Variants in MRM3 observed in about 807,000 individuals in gnomAD.
The protein encoded by MRM3 is rRNA methyltransferase 3, mitochondrial.
MRM3 carries 26 observed loss-of-function variants against 29.4 expected under a neutral mutation model. The ratio of observed to expected loss-of-function variants is 0.89; its 90% CI spans 0.65 to 1.23. MRM3 has a LOEUF of 1.23. Among genes scored for constraint, MRM3 ranks in the 50% most tolerant of loss-of-function variants. MRM3 has a pLI of 0.00. For missense variants in MRM3, 578 were observed against 540.2 expected, an observed-to-expected ratio of 1.07 and a Z score of -0.69; for synonymous variants, 225 against 219.0, an observed-to-expected ratio of 1.03 and a Z score of -0.24.
In MRM3 at chr17:788,142, T is replaced by G. The variant is rs1318085610; in HGVS notation, c.727+10T>G. On this transcript the variant is annotated intron_variant, in intron 3 of 3. Transcript: ENST00000304478. ...GTGTTACTCACCAAAGGTAAGGACATCAAAGGCCAGGCATAGTGGCTCACA... is the reference window on the plus strand; with the variant it reads ...GTGTTACTCACCAAAGGTAAGGACAGCAAAGGCCAGGCATAGTGGCTCACA... 4.3e-6 allele frequency: 7 copies of G among 1,613,660 alleles called. No homozygotes were observed. Among genetic ancestry groups the G allele is most frequent in the Non-Finnish European group, 5.1e-6 (6 of 1,179,854 alleles).
At chr17:788,177 C>T (rs760214320) in intron 3 of MRM3, 45 bp downstream of exon 3, 1 of 1,602,878 alleles carries the variant, frequency 6.2e-7, no homozygotes, top group Non-Finnish European at 8.5e-7. Flanking sequence ...ACTCGTAATC[C>T]AGCCCTTTGG....
At position 782,402 on chromosome 17, in the gene MRM3, G is replaced by C; in HGVS notation, c.24G>C (p.Ala8=). 1 of 1,613,816 alleles carries C rather than the reference G, an allele frequency of 6.2e-7. No homozygotes were observed. Among genetic ancestry groups the C allele is most frequent in the African/African-American group, 1.3e-5 (1 of 75,066 alleles). The change falls in exon 1 of 4, where the codon GCG becomes GCC. Residue 8 remains alanine, a synonymous_variant. Transcript: ENST00000304478. ...ACATGGCGGCGCTGGTGAGACCCGCGAGGTTTGTCGTGCGACCGTTGCTGC... is the reference window on the plus strand; with the variant it reads ...ACATGGCGGCGCTGGTGAGACCCGCCAGGTTTGTCGTGCGACCGTTGCTGC... MAALVRP[A]RFVVRPLLQV...
chr17:788,259 C>G, intron 3 of MRM3, 127 bp downstream of exon 3: 1 of 873,846 alleles, frequency 1.1e-6, no homozygotes, highest in South Asian at 1.7e-5. Context: ...GAGACCTCAT[C>G]TCTACAAAAA....
chr17:785,239 G>T (rs1359280325), intron 2 of MRM3, among the ~76,000 whole-genome samples: 5 of 152,006 alleles, frequency 3.3e-5, no homozygotes, highest in Admixed American at 2.0e-4. Flanking sequence ...GAAACTTGTG[G>T]ATATGTGATA....
At position 791,436 on chromosome 17, in the gene MRM3, T is replaced by C. The variant is rs550156255; in HGVS notation, c.728-98T>C. 30 of 1,253,996 alleles carry C rather than the reference T, an allele frequency of 2.4e-5. No individual in the cohort carries two copies. The African/African-American group carries it at 3.6e-4, about 15-fold the overall frequency. The allele number at this position is 1,253,996 out of a possible 1,614,324, so 77.7% of individuals were successfully genotyped here. A position where few individuals can be genotyped will look rare whatever the true frequency, so the allele number is the denominator to read the frequency against. On this transcript the variant is annotated intron_variant, in intron 3 of 3. Coordinates refer to ENST00000304478, the MANE Select transcript of MRM3 (RefSeq NM_018146.4). ...CTCAAGAAAGCTATCATAGAAGAAC[T>C]GGTTTATCTCCTGATCCAAAATTGA...
rs76507724 is a variant in MRM3 at position 787,206 on chromosome 17, A to G, written c.560-759A>G. On this transcript the variant is annotated intron_variant, in intron 2 of 3. Coordinates refer to ENST00000304478, the MANE Select transcript of MRM3 (RefSeq NM_018146.4). The surrounding 1 kb of genome is among the most constrained non-coding windows in gnomAD (Gnocchi z 4.1). ...GGTTGCAGTGAGCCAGCATTACACC[A>G]TTGTACTCCAGCCTGGGCAACAGAG... Among the ~76,000 whole-genome samples the G allele has an allele frequency of 0.13, 19,104 of 152,134 alleles. 1,311 individuals are homozygous for G. Among genetic ancestry groups the G allele is most frequent in the East Asian group, 0.24 (1,246 of 5,156 alleles).
Position 791,570 on chromosome 17 carries a change from C to A in MRM3, c.764C>A (p.Ala255Glu), listed in dbSNP as rs183214037. 4 of 1,614,072 alleles carry A rather than the reference C, an allele frequency of 2.5e-6. No individual in the cohort carries two copies. The highest frequency in any genetic ancestry group is 2.7e-5 in the African/African-American group (2 of 75,012). ...VDAWEPKVLR[A>E]GMGAHFRMPI... ...GCCTGGGAGCCCAAAGTGCTCCGGG[C>A]GGGTATGGGCGCACATTTCCGGATG... The change falls in exon 4 of 4, where the codon GCG becomes GAG. Residue 255 changes from alanine to glutamate, a missense_variant. By Grantham distance (107) the Ala-to-Glu change is moderately radical (BLOSUM62 -1). Transcript: ENST00000304478.
chr17:788,257 A>T, intron 3 of MRM3, 125 bp downstream of exon 3: 1 of 880,302 alleles, frequency 1.1e-6, no homozygotes, highest in South Asian at 1.7e-5. Flanking sequence ...GTGAGACCTC[A>T]TCTCTACAAA....
rs544998563 is a variant in MRM3 at position 787,334 on chromosome 17, C to G, written c.560-631C>G. Among the ~76,000 whole-genome samples, 2 of 151,978 alleles carry G rather than the reference C, an allele frequency of 1.3e-5. No homozygotes were observed. Among genetic ancestry groups the G allele is most frequent in the African/African-American group, 2.4e-5 (1 of 41,340 alleles). ...ATGGTAAGTTCAAGATATATTGTTG[C>G]GTAAATAAGTCGATTACAGAATAAT... On this transcript the variant is annotated intron_variant, in intron 2 of 3. Transcript: ENST00000304478. This position sits in a 1 kb window ranked among gnomAD's most constrained non-coding sequence, Gnocchi z 4.1.
At position 786,779 on chromosome 17, in the gene MRM3, C is replaced by G. The variant is rs117635228; in HGVS notation, c.560-1186C>G. On this transcript the variant is annotated intron_variant, in intron 2 of 3. Transcript: ENST00000304478. The stretch of plus-strand genomic sequence containing the variant: ...CCTGTGTGAACGTTAATAGTGCACG[C>G]ACATCATTTGTCCATTTCACTCACA... Among the ~76,000 whole-genome samples, 475 of 152,264 alleles carry G rather than the reference C, an allele frequency of 3.1e-3. 2 individuals are homozygous for G. The highest frequency in any genetic ancestry group is 5.1e-3 in the Non-Finnish European group (344 of 68,026).
In MRM3 at chr17:791,749, A is replaced by C. The variant is rs1264090042; in HGVS notation, c.943A>C (p.Lys315Gln). Residue 315 changes from lysine (K) to glutamine (Q), a missense_variant, in exon 4 of 4, where the codon AAG becomes CAG. Coordinates refer to ENST00000304478, the MANE Select transcript of MRM3 (RefSeq NM_018146.4). ...CTGGGTGTGTGATCAACGAGTGATG[A>C]AGTTTCACAAGTATGAGGAAGAGGA... ...HGWVCDQRVM[K>Q]FHKYEEEEDV... 5 of 1,614,110 alleles carry C rather than the reference A, an allele frequency of 3.1e-6. No individual in the cohort carries two copies. The highest frequency in any genetic ancestry group is 4.2e-6 in the Non-Finnish European group (5 of 1,180,054).
chr17:785,410 TATATA>T (rs1222630827), intron 2 of MRM3, among the ~76,000 whole-genome samples: 1 of 152,130 alleles, frequency 6.6e-6, no homozygotes, highest in Non-Finnish European at 1.5e-5. Context: ...TGTAGATTAT[TATATA>T]ATGTATATAT....
intron 2 of MRM3, among the ~76,000 whole-genome samples, chr17:785,109 A>C (rs1466303527): frequency 6.6e-6 from 1 of 152,180 alleles, no homozygotes; most frequent in Non-Finnish European, 1.5e-5. Context: ...GCAGACTACA[A>C]AGGGATTGAA....
At chr17:784,592 C>G (rs1357006141) in intron 2 of MRM3, among the ~76,000 whole-genome samples, 1 of 152,062 alleles carries the variant, frequency 6.6e-6, no homozygotes, top group African/African-American at 2.4e-5. Flanking sequence ...GTGGCCAACC[C>G]ATCTTGAACT....
intron 3 of MRM3, among the ~76,000 whole-genome samples, chr17:788,473 T>A (rs1910643738): frequency 1.6e-5 from 2 of 124,684 alleles, no homozygotes; most frequent in African/African-American, 3.2e-5. Flanking sequence ...TGGTCTGGTC[T>A]TTTTTTTTTT....
Position 782,405 on chromosome 17 carries a change from G to C in MRM3, c.27G>C (p.Arg9Ser), listed in dbSNP as rs762423522. 3 of 1,613,890 alleles carry C rather than the reference G, an allele frequency of 1.9e-6. No individual in the cohort carries two copies. The South Asian group carries it at 3.3e-5, about 18-fold the overall frequency. Reference sequence around the variant, plus strand: ...TGGCGGCGCTGGTGAGACCCGCGAGGTTTGTCGTGCGACCGTTGCTGCAGG... The same window carrying C: ...TGGCGGCGCTGGTGAGACCCGCGAGCTTTGTCGTGCGACCGTTGCTGCAGG... MAALVRPA[R>S]FVVRPLLQVV... is the part of the protein sequence containing the mutation. Residue 9 changes from arginine (R) to serine (S), a missense_variant, in exon 1 of 4, where the codon AGG (arginine) becomes AGC (serine). Arg to Ser is a moderately radical substitution (Grantham distance 110). Transcript: ENST00000304478.
At chr17:783,565 G>T in intron 2 of MRM3, 1 of 355,370 alleles carries the variant, frequency 2.8e-6, no homozygotes. Context: ...TCGAACTTGT[G>T]ACCTCAGGTG....
At chr17:790,319 G>A (rs1357142701) in intron 3 of MRM3, 1 of 153,096 alleles carries the variant, frequency 6.5e-6, no homozygotes, top group Non-Finnish European at 1.5e-5. Context: ...CTCCGGTGCA[G>A]ACTGAACGTT....
chr17:783,855 A>C (rs1443128522), intron 2 of MRM3, among the ~76,000 whole-genome samples: 1 of 152,202 alleles, frequency 6.6e-6, no homozygotes, highest in African/African-American at 2.4e-5. Context: ...CTATTCCTCA[A>C]ACCTTCTATT....
Sources: allele counts gnomAD v4.1 joint callset (sites outside exome capture counted in the v4.1 genomes callset), GRCh38; gene constraint gnomAD v4.1.1; non-coding constraint Gnocchi (gnomAD v3.1); transcripts MANE v1.5; gene names NCBI Gene and HGNC (gene_info 2026-07-23, HGNC 2026-07-21).